ZCCHC17: variants seen among roughly 807,000 people sequenced by gnomAD.
The protein encoded by ZCCHC17 is zinc finger CCHC domain-containing protein 17.
A neutral mutation model predicts 30.6 loss-of-function variants in ZCCHC17; 18 were observed. The observed-to-expected ratio is 0.59, with a 90% CI of 0.41 to 0.87. The LOEUF is 0.87. Ranked by LOEUF, ZCCHC17 falls within the 40% of genes least tolerant of loss-of-function variation. ZCCHC17 has a pLI of 0.00. For missense variants in ZCCHC17, 263 were observed against 284.2 expected, an observed-to-expected ratio of 0.93 and a Z score of 0.54; for synonymous variants, 88 against 92.4, an observed-to-expected ratio of 0.95 and a Z score of 0.27.
chr1:31,340,634 CT>C (rs1306244728), intron 5 of ZCCHC17, among the ~76,000 whole-genome samples: 1 of 152,166 alleles, frequency 6.6e-6, no homozygotes, highest in Admixed American at 6.6e-5. Flanking sequence ...GGTTTATTAA[CT>C]GTTTTTAGTG....
chr1:31,360,310 C>G (rs1639828080), intron 7 of ZCCHC17, among the ~76,000 whole-genome samples: 1 of 152,242 alleles, frequency 6.6e-6, no homozygotes, highest in Non-Finnish European at 1.5e-5. Flanking sequence ...GCTGGGATTA[C>G]AGGCATGTGC....
chr1:31,302,411 C>G (rs1278042345), intron 1 of ZCCHC17, among the ~76,000 whole-genome samples: 1 of 152,036 alleles, frequency 6.6e-6, no homozygotes, highest in African/African-American at 2.4e-5. Context: ...TGTAGTATAC[C>G]AGACCCCAGG....
intron 7 of ZCCHC17, among the ~76,000 whole-genome samples, chr1:31,352,972 G>A (rs1031311068): frequency 9.2e-5 from 14 of 152,178 alleles, no homozygotes; most frequent in Middle Eastern, 3.4e-3. Flanking sequence ...CCCATTGTAC[G>A]TTCCCATCAA....
intron 3 of ZCCHC17, chr1:31,332,958 T>C (rs1235598143): frequency 6.6e-6 from 1 of 152,194 alleles, no homozygotes; most frequent in Non-Finnish European, 1.5e-5. Context: ...CACATATGTG[T>C]ACACAATTTA....
intron 2 of ZCCHC17, among the ~76,000 whole-genome samples, chr1:31,317,624 C>A (rs1646768146): frequency 8.0e-6 from 1 of 124,434 alleles, no homozygotes; most frequent in South Asian, 2.3e-4. Flanking sequence ...TATACCTATA[C>A]TGTTATTTTT....
chr1:31,314,957 G>A (rs775223335), intron 2 of ZCCHC17, among the ~76,000 whole-genome samples: 12 of 152,264 alleles, frequency 7.9e-5, no homozygotes, highest in Non-Finnish European at 1.2e-4. Context: ...GTGAGCCACC[G>A]CACCCAGCCA....
chr1:31,342,201 T>C (rs1314062286), intron 5 of ZCCHC17, among the ~76,000 whole-genome samples: 5 of 151,934 alleles, frequency 3.3e-5, no homozygotes, highest in Non-Finnish European at 5.9e-5. Context: ...TAGTCCACCA[T>C]GCCTGGCTAA....
intron 7 of ZCCHC17, among the ~76,000 whole-genome samples, chr1:31,349,375 G>A (rs1377247197): frequency 6.6e-6 from 1 of 152,040 alleles, no homozygotes; most frequent in African/African-American, 2.4e-5. Flanking sequence ...TTTTGAGACA[G>A]GGTCTCTTGC....
At chr1:31,346,502 TG>T in intron 5 of ZCCHC17, 137 bp from the exon 6 acceptor site, 1 of 894,818 alleles carries the variant, frequency 1.1e-6, no homozygotes, top group East Asian at 2.7e-5. Flanking sequence ...ATTTACTGCC[TG>T]TCTCGTTCTG....
At chr1:31,357,759 C>CT (rs34448655) in intron 7 of ZCCHC17, among the ~76,000 whole-genome samples, 14,627 of 143,740 alleles carry the variant, frequency 0.1, 1,443 homozygotes, top group African/African-American at 0.24. Context: ...CCAGGCCTTT[C>CT]TTTTTTTTTT....
At position 31,310,041 on chromosome 1, in the gene ZCCHC17, C is replaced by A; in HGVS notation, c.-55-3C>A. 6.4e-7 allele frequency: 1 copy of A among 1,555,186 alleles called. No homozygotes were observed. Among genetic ancestry groups the A allele is most frequent in the Non-Finnish European group, 8.8e-7 (1 of 1,132,928 alleles). On this transcript the variant is annotated splice_polypyrimidine_tract_variant and splice_region_variant and intron_variant, in intron 1 of 7. Transcript: ENST00000344147. ...TAATTGGTGTCTGATTTCTTTATGACAGGACACTTGTATTAGCTTTAATAG... is the reference window on the plus strand; with the variant it reads ...TAATTGGTGTCTGATTTCTTTATGAAAGGACACTTGTATTAGCTTTAATAG...
At chr1:31,307,872 G>T (rs1367877273) in intron 1 of ZCCHC17, among the ~76,000 whole-genome samples, 3 of 152,224 alleles carry the variant, frequency 2.0e-5, no homozygotes, top group African/African-American at 7.2e-5. Flanking sequence ...ACTGCACCTG[G>T]CCTATGACCT....
intron 1 of ZCCHC17, among the ~76,000 whole-genome samples, chr1:31,302,105 G>A (rs1173986869): frequency 6.6e-6 from 1 of 152,166 alleles, no homozygotes; most frequent in Non-Finnish European, 1.5e-5. Flanking sequence ...TTGCATGCCT[G>A]TAGTCCCAGC....
intron 3 of ZCCHC17, among the ~76,000 whole-genome samples, chr1:31,331,614 A>AT (rs909092524): frequency 5.6e-4 from 81 of 145,180 alleles, no homozygotes; most frequent in Middle Eastern, 3.6e-3. Context: ...GTAGAGATGG[A>AT]TTTTTTTTTT....
At chr1:31,347,241 T>G (rs1440925916) in intron 6 of ZCCHC17, among the ~76,000 whole-genome samples, 1 of 152,212 alleles carries the variant, frequency 6.6e-6, no homozygotes, top group East Asian at 1.9e-4. Flanking sequence ...CTCTATTTCC[T>G]CAGGTTTCCT....
Position 31,346,499 on chromosome 1 carries a change from G to T in ZCCHC17, c.318-141G>T, listed in dbSNP as rs770759363. On this transcript the variant is annotated intron_variant, in intron 5 of 7. Coordinates refer to ENST00000344147, the MANE Select transcript of ZCCHC17 (RefSeq NM_016505.4). Reference sequence around the variant, plus strand: ...GCTATTTCACATCATTGCATTTACTGCCTGTCTCGTTCTGTCAAAAACTTT... The same window carrying T: ...GCTATTTCACATCATTGCATTTACTTCCTGTCTCGTTCTGTCAAAAACTTT... 1.4e-5 allele frequency: 12 copies of T among 856,520 alleles called. 1 individual carries two copies. Among genetic ancestry groups the T allele is most frequent in the Non-Finnish European group, 2.1e-5 (12 of 581,204 alleles). 53.1% of individuals were successfully genotyped at this position (856,520 alleles called of 1,614,324 possible). A position where few individuals can be genotyped will look rare whatever the true frequency, so the allele number is the denominator to read the frequency against.
chr1:31,330,149 T>C (rs949794085), intron 3 of ZCCHC17, among the ~76,000 whole-genome samples: 1 of 152,210 alleles, frequency 6.6e-6, no homozygotes, highest in African/African-American at 2.4e-5. Flanking sequence ...TTTGAGATTT[T>C]CACTTCTTTC....
intron 1 of ZCCHC17, among the ~76,000 whole-genome samples, chr1:31,299,205 A>G (rs1037107217): frequency 1.3e-5 from 2 of 152,154 alleles, no homozygotes; most frequent in Non-Finnish European, 2.9e-5. Flanking sequence ...CGATGGGGAT[A>G]AGGGATTATC....
At position 31,337,200 on chromosome 1, in the gene ZCCHC17, A is replaced by G. The variant is rs751157183; in HGVS notation, c.150A>G (p.Ser50=). ...GTCTGGTCCATCGAACTCATATGTCATCCTGTCGGGTGGATAAGCCCTCTG... is the reference window on the plus strand; with the variant it reads ...GTCTGGTCCATCGAACTCATATGTCGTCCTGTCGGGTGGATAAGCCCTCTG... ...KQGLVHRTHM[S]SCRVDKPSEI... The change falls in exon 4 of 8, where the codon TCA becomes TCG. Residue 50 remains serine, a synonymous_variant. Transcript: ENST00000344147. 1 of 1,614,052 alleles carries G rather than the reference A, an allele frequency of 6.2e-7. No individual in the cohort carries two copies. Among genetic ancestry groups the G allele is most frequent in the Non-Finnish European group, 8.5e-7 (1 of 1,180,014 alleles).
Sources: gnomAD v4.1 joint callset for allele counts (sites outside exome capture counted in the v4.1 genomes callset) on GRCh38, gnomAD v4.1.1 for gene constraint, MANE v1.5 for transcripts, NCBI Gene and HGNC (gene_info 2026-07-23, HGNC 2026-07-21) for gene names.